Variants in ARMC9 observed in about 807,000 individuals in gnomAD.
The protein encoded by ARMC9 is lisH domain-containing protein ARMC9.
In ARMC9, 94 loss-of-function variants were observed where a neutral mutation model predicts 107.0. The observed-to-expected ratio is 0.88, with a 90% CI of 0.74 to 1.04. The LOEUF (loss-of-function observed/expected upper bound fraction) is 1.04. Ranked by LOEUF, ARMC9 falls within the 50% of genes least tolerant of loss-of-function variation. The pLI, the probability that ARMC9 is intolerant of heterozygous loss-of-function variation, is 0.00. For missense variants in ARMC9, 942 were observed against 1,030.1 expected (o/e 0.91, Z 1.17); for synonymous variants, 380 against 396.9 (o/e 0.96, Z 0.51).
intron 14 of ARMC9, among the ~76,000 whole-genome samples, chr2:231,276,069 C>G (rs895170055): frequency 1.3e-5 from 2 of 152,204 alleles, no homozygotes; most frequent in Admixed American, 1.3e-4. Context: ...AAGCAATGCT[C>G]TGCTAATTTT....
chr2:231,341,288 T>C (rs1270126781), intron 20 of ARMC9, among the ~76,000 whole-genome samples: 2 of 152,232 alleles, frequency 1.3e-5, no homozygotes, highest in Non-Finnish European at 2.9e-5. Flanking sequence ...GCCTGTTGCC[T>C]CTTGATCATA....
chr2:231,258,736 T>G (rs1021446239), intron 10 of ARMC9, among the ~76,000 whole-genome samples: 4 of 152,126 alleles, frequency 2.6e-5, no homozygotes, highest in African/African-American at 9.7e-5. Context: ...CTAAATCTGT[T>G]CAGGCAAAGA....
At chr2:231,299,142 A>C (rs1338024935) in intron 19 of ARMC9, among the ~76,000 whole-genome samples, 2 of 152,200 alleles carry the variant, frequency 1.3e-5, no homozygotes, top group African/African-American at 4.8e-5. Flanking sequence ...AACCTAACAA[A>C]GTTATGTCTG....
intron 16 of ARMC9, among the ~76,000 whole-genome samples, chr2:231,279,283 G>A (rs901786277): frequency 6.6e-6 from 1 of 152,124 alleles, no homozygotes; most frequent in Admixed American, 6.6e-5. Context: ...TAAAGTAGAG[G>A]TATGTATGGG....
intron 19 of ARMC9, among the ~76,000 whole-genome samples, chr2:231,325,610 C>T (rs1332901374): frequency 6.6e-6 from 1 of 152,184 alleles, no homozygotes; most frequent in African/African-American, 2.4e-5. Context: ...CTGCCACTCA[C>T]TCAGACCACA....
intron 1 of ARMC9, 148 bp from the exon 2 acceptor site, chr2:231,206,050 C>A: frequency 1.6e-6 from 1 of 626,274 alleles, no homozygotes; most frequent in Non-Finnish European, 2.8e-6. Flanking sequence ...TTAATTCCCC[C>A]TTGCCGTGTA....
intron 21 of ARMC9, among the ~76,000 whole-genome samples, chr2:231,352,255 C>A (rs868744495): frequency 6.6e-6 from 1 of 151,942 alleles, no homozygotes; most frequent in African/African-American, 2.4e-5. Context: ...AGCCACTATG[C>A]CCAGCCCAGC....
chr2:231,278,428 T>C lies in ARMC9; in HGVS notation c.1521T>C (p.Leu507=), dbSNP rs371100186. 1.2e-5 allele frequency: 19 copies of C among 1,613,984 alleles called. No homozygotes were observed. The African/African-American group carries it at 2.5e-4, about 22-fold the overall frequency. The change falls in exon 16 of 25, where the codon CTT becomes CTC. Residue 507 remains leucine (L), a synonymous_variant. Transcript: ENST00000611582. Reference sequence around the variant, plus strand: ...TGGCAGGCCTCGTGCTCAAAGTCCTTTCGGATCTTCTTGGCCATGAAAACC... The same window carrying C: ...TGGCAGGCCTCGTGCTCAAAGTCCTCTCGGATCTTCTTGGCCATGAAAACC... The part of the protein sequence containing the change: ...AKVAGLVLKV[L]SDLLGHENHE...
intron 9 of ARMC9, among the ~76,000 whole-genome samples, chr2:231,248,992 G>T (rs796482780): frequency 6.6e-6 from 1 of 151,968 alleles, no homozygotes; most frequent in Non-Finnish European, 1.5e-5. Flanking sequence ...CCTTACCCAC[G>T]TGCATCCTGC....
At chr2:231,202,610 C>T (rs1306291233) in intron 1 of ARMC9, among the ~76,000 whole-genome samples, 2 of 152,214 alleles carry the variant, frequency 1.3e-5, no homozygotes, top group Middle Eastern at 3.2e-3. Flanking sequence ...GTGTGAGCCA[C>T]TGCACCCAGC....
At chr2:231,270,573 G>A (rs1186263676) in intron 12 of ARMC9, 1 of 470,132 alleles carries the variant, frequency 2.1e-6, no homozygotes, top group East Asian at 6.9e-5. Context: ...TTCTCGTGCT[G>A]TTCTCTCTGT....
At chr2:231,201,677 C>G (rs1439207726) in intron 1 of ARMC9, among the ~76,000 whole-genome samples, 1 of 152,236 alleles carries the variant, frequency 6.6e-6, no homozygotes, top group African/African-American at 2.4e-5. Flanking sequence ...TATGTGTGTT[C>G]CCCTCCCCCA....
Position 231,256,345 on chromosome 2 carries a change from C to T in ARMC9, c.880-241C>T. Reference sequence around the variant, plus strand: ...CTGGGTCTTGGATGTCGGGTTCGACCACTTGGCCGATGGGAATGGTCTGTC... The same window carrying T: ...CTGGGTCTTGGATGTCGGGTTCGACTACTTGGCCGATGGGAATGGTCTGTC... On this transcript the variant is annotated intron_variant, in intron 9 of 24. Coordinates refer to ENST00000611582, the MANE Select transcript of ARMC9 (RefSeq NM_001352754.2). 3 of 1,503,158 alleles carry T rather than the reference C, an allele frequency of 2.0e-6. 1 individual carries two copies. The South Asian group carries it at 3.6e-5, about 18-fold the overall frequency. 93.1% of individuals were successfully genotyped at this position (1,503,158 alleles called of 1,614,324 possible).
rs75610643 is a variant in ARMC9 at position 231,267,215 on chromosome 2, G to A, written c.1120-3767G>A. Reference sequence around the variant, plus strand: ...TTGAAAGGTGGGCCAGGTACCAGTTGTCCAACAGCAATATTTATTTTTTTT... The same window carrying A: ...TTGAAAGGTGGGCCAGGTACCAGTTATCCAACAGCAATATTTATTTTTTTT... On this transcript the variant is annotated intron_variant, in intron 12 of 24. Transcript: ENST00000611582. Among the ~76,000 whole-genome samples the A allele has an allele frequency of 3.1e-3, 469 of 152,190 alleles. 2 individuals are homozygous for A. Among genetic ancestry groups the A allele is most frequent in the African/African-American group, 0.011 (451 of 41,546 alleles).
chr2:231,228,075 G>A (rs767964344), intron 7 of ARMC9, among the ~76,000 whole-genome samples: 5 of 152,142 alleles, frequency 3.3e-5, no homozygotes, highest in African/African-American at 7.2e-5. Context: ...CTGCAGGCCC[G>A]CTCTCTCAGT....
At chr2:231,239,557 C>T (rs1470719365) in intron 8 of ARMC9, among the ~76,000 whole-genome samples, 1 of 152,210 alleles carries the variant, frequency 6.6e-6, no homozygotes, top group East Asian at 1.9e-4. Flanking sequence ...GACTTGAGCC[C>T]TGATCTTCAG....
intron 20 of ARMC9, among the ~76,000 whole-genome samples, chr2:231,337,493 A>G (rs2044206709): frequency 2.0e-5 from 2 of 101,822 alleles, no homozygotes; most frequent in South Asian, 5.9e-4. Context: ...TTTTTGAGAC[A>G]GAGTCTCGCT....
chr2:231,286,726 A>C (rs770481193), intron 17 of ARMC9, among the ~76,000 whole-genome samples: 1 of 152,266 alleles, frequency 6.6e-6, no homozygotes, highest in Non-Finnish European at 1.5e-5. Flanking sequence ...AATTTATTTT[A>C]CTGTATAATG....
chr2:231,357,602 C>T (rs1441691093), intron 22 of ARMC9, among the ~76,000 whole-genome samples: 1 of 151,984 alleles, frequency 6.6e-6, no homozygotes, highest in Non-Finnish European at 1.5e-5. Flanking sequence ...TATTTTGAGA[C>T]AAGGTCTCAC....
Sources: allele counts gnomAD v4.1 joint callset (sites outside exome capture counted in the v4.1 genomes callset), GRCh38; gene constraint gnomAD v4.1.1; transcripts MANE v1.5; gene names NCBI Gene and HGNC (gene_info 2026-07-23, HGNC 2026-07-21).